The following PDE8B variants were observed in gnomAD, a reference collection of about 807,000 sequenced individuals.
PDE8B encodes the protein phosphodiesterase 8B, also known as high affinity cAMP-specific and IBMX-insensitive 3',5'-cyclic phosphodiesterase 8B.
Under a neutral mutation model 101.3 loss-of-function variants are expected in PDE8B, and 26 were observed. The observed-to-expected ratio is 0.26, with a 90% CI of 0.19 to 0.36. The LOEUF is 0.36. Ranked by LOEUF, PDE8B falls within the 10% of genes least tolerant of loss-of-function variation. The pLI is 1.00. For missense variants in PDE8B, 810 were observed against 1,163.1 expected (o/e 0.70, Z 4.42); for synonymous variants, 424 against 429.3 (o/e 0.99, Z 0.15).
chr5:77,091,900 G>C, the PDE8B span, among the ~76,000 whole-genome samples: 1 of 152,076 alleles, frequency 6.6e-6, no homozygotes, highest in Non-Finnish European at 1.5e-5. Context: ...GCTGGTTATG[G>C]GCAAAGCACC....
intron 10 of PDE8B, among the ~76,000 whole-genome samples, chr5:77,387,009 G>A (rs1456919033): frequency 6.8e-6 from 1 of 147,804 alleles, no homozygotes; most frequent in Non-Finnish European, 1.5e-5. Flanking sequence ...TCAGCCTCCC[G>A]AGTAGCTGGG....
chr5:77,171,884 A>G, the PDE8B span, among the ~76,000 whole-genome samples: 1 of 152,170 alleles, frequency 6.6e-6, no homozygotes, highest in East Asian at 1.9e-4. Context: ...CCAGGGACCC[A>G]TTGATGAATT....
At chr5:77,097,592 A>G in the PDE8B span, among the ~76,000 whole-genome samples, 3 of 145,856 alleles carry the variant, frequency 2.1e-5, no homozygotes, top group Non-Finnish European at 4.5e-5. Flanking sequence ...ACAGTATCTC[A>G]TGTTTGCAGG....
At position 77,337,325 on chromosome 5, in the gene PDE8B, A is replaced by C; in HGVS notation, c.797+10A>C. The C allele has an allele frequency of 7.5e-7, 1 of 1,333,516 alleles. No homozygotes were observed. The highest frequency in any genetic ancestry group is 2.3e-5 in the East Asian group (1 of 43,522). The allele number at this position is 1,333,516 out of a possible 1,614,324, so 82.6% of individuals were successfully genotyped here. A position where few individuals can be genotyped will look rare whatever the true frequency, so the allele number is the denominator to read the frequency against. On this transcript the variant is annotated intron_variant, in intron 6 of 21. Transcript: ENST00000264917. ...CCCAGTTCAAATTACGGTATGTAGC[A>C]AAATGATACAGTAACATGAGGTTAA...
intron 10 of PDE8B, among the ~76,000 whole-genome samples, chr5:77,365,445 A>G (rs1275894774): frequency 6.6e-6 from 1 of 152,156 alleles, no homozygotes; most frequent in Admixed American, 6.5e-5. Flanking sequence ...AGGCTGATAG[A>G]AGGATGGCCT....
intron 1 of PDE8B, among the ~76,000 whole-genome samples, chr5:77,226,713 T>C (rs1752466807): frequency 6.6e-6 from 1 of 152,204 alleles, no homozygotes; most frequent in African/African-American, 2.4e-5. Flanking sequence ...TGTAAAATAG[T>C]AATATAGTTT....
At chr5:77,391,582 C>T (rs1789931788) in intron 10 of PDE8B, among the ~76,000 whole-genome samples, 1 of 152,192 alleles carries the variant, frequency 6.6e-6, no homozygotes, top group Non-Finnish European at 1.5e-5. Context: ...CCTGCTTCTC[C>T]CTGTACCTAG....
At chr5:77,188,978 T>A in the PDE8B span, among the ~76,000 whole-genome samples, 1 of 152,198 alleles carries the variant, frequency 6.6e-6, no homozygotes, top group Non-Finnish European at 1.5e-5. Flanking sequence ...CTAGATGGCC[T>A]CTTGCTTTGG....
At chr5:77,288,376 T>G (rs1766489712) in intron 1 of PDE8B, among the ~76,000 whole-genome samples, 2 of 152,248 alleles carry the variant, frequency 1.3e-5, no homozygotes, top group African/African-American at 4.8e-5. Flanking sequence ...CACATTTTCC[T>G]TCTTGCCTTC....
chr5:77,088,101 C>G, the PDE8B span: 1 of 152,306 alleles, frequency 6.6e-6, no homozygotes, highest in East Asian at 1.9e-4. Flanking sequence ...GGCCCCCGCC[C>G]TCCCACAGCC....
At chr5:77,263,310 GTTAAA>G (rs1761014363) in intron 1 of PDE8B, among the ~76,000 whole-genome samples, 2 of 152,184 alleles carry the variant, frequency 1.3e-5, no homozygotes, top group African/African-American at 4.8e-5. Context: ...CTTGCAGCAG[GTTAAA>G]TAACATATCC....
chr5:77,412,065 T>C (rs1419072998), intron 15 of PDE8B, 35 bp from the exon 16 acceptor site: 4 of 1,613,238 alleles, frequency 2.5e-6, no homozygotes, highest in Non-Finnish European at 3.4e-6. Flanking sequence ...GATTCCACAA[T>C]TAACCAGCCT....
At chr5:77,270,044 T>G (rs1433340982) in intron 1 of PDE8B, among the ~76,000 whole-genome samples, 2 of 152,338 alleles carry the variant, frequency 1.3e-5, no homozygotes, top group East Asian at 3.9e-4. Flanking sequence ...TTGCATTGAA[T>G]CTGTAGATTG....
At chr5:77,253,831 T>C (rs1286221964) in intron 1 of PDE8B, among the ~76,000 whole-genome samples, 1 of 152,098 alleles carries the variant, frequency 6.6e-6, no homozygotes, top group Non-Finnish European at 1.5e-5. Context: ...GTTAAATTGA[T>C]ATATCTAGCT....
the PDE8B span, chr5:77,105,492 G>T: frequency 2.0e-5 from 3 of 152,124 alleles, no homozygotes; most frequent in Non-Finnish European, 4.4e-5. Flanking sequence ...TGGTAGGTTA[G>T]GTATAGTAAA....
At chr5:77,307,306 G>A (rs909882027) in intron 1 of PDE8B, among the ~76,000 whole-genome samples, 1 of 152,052 alleles carries the variant, frequency 6.6e-6, no homozygotes, top group Non-Finnish European at 1.5e-5. Flanking sequence ...CTGCCTTCAT[G>A]AAGCCTTCCT....
chr5:77,120,225 G>T, the PDE8B span, among the ~76,000 whole-genome samples: 76 of 152,310 alleles, frequency 5.0e-4, no homozygotes, highest in Middle Eastern at 3.4e-3. Flanking sequence ...GAACTAATCT[G>T]CAATGAAGAA....
intron 10 of PDE8B, among the ~76,000 whole-genome samples, chr5:77,399,503 G>A (rs1256198378): frequency 6.6e-6 from 1 of 152,218 alleles, no homozygotes; most frequent in Non-Finnish European, 1.5e-5. Flanking sequence ...AAAGTAGGTT[G>A]ATTTAGCAGT....
At chr5:77,286,791 A>G (rs566156682) in intron 1 of PDE8B, among the ~76,000 whole-genome samples, 5 of 152,220 alleles carry the variant, frequency 3.3e-5, no homozygotes, top group Admixed American at 3.3e-4. Flanking sequence ...ATTTCTATCC[A>G]TTTAAATATT....
Sources: allele counts gnomAD v4.1 joint callset (sites outside exome capture counted in the v4.1 genomes callset), GRCh38; gene constraint gnomAD v4.1.1; transcripts MANE v1.5; gene names NCBI Gene and HGNC (gene_info 2026-07-23, HGNC 2026-07-21).